XPO1: variants seen among roughly 807,000 people sequenced by gnomAD.
XPO1 encodes exportin 1.
A neutral mutation model predicts 133.3 loss-of-function variants in XPO1; 5 were observed. The observed-to-expected ratio is 0.04, with a 90% CI of 0.02 to 0.08. The LOEUF (loss-of-function observed/expected upper bound fraction) is 0.08. Among genes scored for constraint, XPO1 ranks in the 10% least tolerant of loss-of-function variants. XPO1 has a pLI of 1.00. For missense variants in XPO1, 506 were observed against 1,267.5 expected, an observed-to-expected ratio of 0.40 and a Z score of 9.12; for synonymous variants, 419 against 408.2, an observed-to-expected ratio of 1.03 and a Z score of -0.32.
chr2:61,512,897 C>T (rs997385170), intron 4 of XPO1, among the ~76,000 whole-genome samples: 1 of 152,056 alleles, frequency 6.6e-6, no homozygotes, highest in South Asian at 2.1e-4. Flanking sequence ...AAAAATTAGC[C>T]GGGTGTGGTG....
intron 4 of XPO1, among the ~76,000 whole-genome samples, chr2:61,508,846 ATC>A (rs1444954977): frequency 6.6e-6 from 1 of 152,194 alleles, no homozygotes; most frequent in Non-Finnish European, 1.5e-5. Flanking sequence ...CCAAATAAGG[ATC>A]TGACTTATTA....
intron 4 of XPO1, among the ~76,000 whole-genome samples, chr2:61,517,359 G>A (rs1698445223): frequency 1.3e-5 from 2 of 152,316 alleles, no homozygotes; most frequent in Non-Finnish European, 2.9e-5. Flanking sequence ...TGAGGTTGGA[G>A]CATCACTTGA....
chr2:61,528,215 C>A (rs1479365897), intron 2 of XPO1, among the ~76,000 whole-genome samples: 1 of 151,934 alleles, frequency 6.6e-6, no homozygotes. Context: ...TTTGTTCCTT[C>A]TTTAAAAAGT....
Position 61,511,887 on chromosome 2 carries a change from T to C in XPO1, c.302-9577A>G, listed in dbSNP as rs143383635. 1.4e-4 allele frequency among the ~76,000 whole-genome samples: 21 copies of C among 152,034 alleles called. No individual in the cohort carries two copies. In the East Asian group the frequency reaches 2.7e-3, roughly 20 times the overall value. Reference sequence around the variant, plus strand: ...AACTCCCCTGCTGCAACCTACCGAGTAGCTGGGATTCTGGGATTACAGGCA... The same window carrying C: ...AACTCCCCTGCTGCAACCTACCGAGCAGCTGGGATTCTGGGATTACAGGCA... On this transcript the variant is annotated intron_variant, in intron 4 of 24. Coordinates refer to ENST00000401558, the MANE Select transcript of XPO1 (RefSeq NM_003400.4).
At chr2:61,505,931 A>G (rs1697787648) in intron 4 of XPO1, among the ~76,000 whole-genome samples, 1 of 152,152 alleles carries the variant, frequency 6.6e-6, no homozygotes, top group Non-Finnish European at 1.5e-5. Context: ...CATCTAATCA[A>G]AAATTCCGAT....
At chr2:61,526,022 T>G (rs1248030223) in intron 3 of XPO1, 2 of 1,063,846 alleles carry the variant, frequency 1.9e-6, no homozygotes, top group Non-Finnish European at 1.1e-6. Context: ...TGCCATGGAG[T>G]AGGGTTTTAA....
chr2:61,506,236 C>T (rs1027801458), intron 4 of XPO1, among the ~76,000 whole-genome samples: 7 of 152,258 alleles, frequency 4.6e-5, no homozygotes, highest in African/African-American at 9.6e-5. Context: ...GCCTGGCCAA[C>T]ATGGTGAAAC....
intron 2 of XPO1, among the ~76,000 whole-genome samples, chr2:61,532,108 GTTTT>G (rs143147371): frequency 2.0e-5 from 3 of 151,902 alleles, no homozygotes; most frequent in Admixed American, 6.6e-5. Flanking sequence ...TCAGGTTTAG[GTTTT>G]TTTATTTTAT....
intron 2 of XPO1, among the ~76,000 whole-genome samples, chr2:61,527,352 G>A (rs939485543): frequency 6.6e-6 from 1 of 151,226 alleles, no homozygotes; most frequent in African/African-American, 2.4e-5. Context: ...GCTGCACATG[G>A]TGGCTTGCAC....
At chr2:61,532,282 C>T (rs931612676) in intron 2 of XPO1, among the ~76,000 whole-genome samples, 3 of 151,956 alleles carry the variant, frequency 2.0e-5, no homozygotes, top group Admixed American at 2.0e-4. Flanking sequence ...CGCCCGCCAC[C>T]ACGCCTGGCT....
intron 7 of XPO1, among the ~76,000 whole-genome samples, chr2:61,499,450 A>G (rs559703822): frequency 6.6e-6 from 1 of 152,336 alleles, no homozygotes; most frequent in South Asian, 2.1e-4. Flanking sequence ...GTTTGGACAC[A>G]AATCATTTGC....
chr2:61,502,326 C>G lies in XPO1; in HGVS notation c.302-16G>C. The G allele has an allele frequency of 6.2e-7, 1 of 1,605,542 alleles. No homozygotes were observed. The highest frequency in any genetic ancestry group is 8.5e-7 in the Non-Finnish European group (1 of 1,177,616). On this transcript the variant is annotated splice_polypyrimidine_tract_variant and intron_variant, in intron 4 of 24. Coordinates refer to ENST00000401558, the MANE Select transcript of XPO1 (RefSeq NM_003400.4). ...TTTTTTATTCCTATTAAAAAAATTG[C>G]ACGTAATAAAAAAATTGTTGAGCTC...
rs1215924960 is a variant in XPO1 at position 61,506,590 on chromosome 2, T to G, written c.302-4280A>C. Among the ~76,000 whole-genome samples the G allele has an allele frequency of 1.2e-4, 4 of 32,794 alleles. No individual in the cohort carries two copies. The East Asian group carries it at 3.2e-3, about 26-fold the overall frequency. The allele number at this position is 32,794 out of a possible 152,430, so 21.5% of individuals were successfully genotyped here. On this transcript the variant is annotated intron_variant, in intron 4 of 24. Coordinates refer to ENST00000401558, the MANE Select transcript of XPO1 (RefSeq NM_003400.4). ...CTCCAGTCTGGGCGACAGAGCAAGA[T>G]TCCGTCTCAAAAAAAAAAAAAAAAA...
Position 61,490,785 on chromosome 2 carries a change from A to T in XPO1, c.1888-9T>A, listed in dbSNP as rs752224224. On this transcript the variant is annotated splice_polypyrimidine_tract_variant and intron_variant, in intron 16 of 24. Coordinates refer to ENST00000401558, the MANE Select transcript of XPO1 (RefSeq NM_003400.4). ...TCATAAAACGTATGAACCTATTTTA[A>T]AAAGCAGACATTTTAACGTTTATGT... The T allele has an allele frequency of 6.2e-7, 1 of 1,609,864 alleles. No individual in the cohort carries two copies. The highest frequency in any genetic ancestry group is 8.5e-7 in the Non-Finnish European group (1 of 1,178,662).
chr2:61,528,193 T>A (rs533355605), intron 2 of XPO1, among the ~76,000 whole-genome samples: 1 of 152,078 alleles, frequency 6.6e-6, no homozygotes, highest in African/African-American at 2.4e-5. Context: ...CCCAAAGTGC[T>A]GGGATTACAC....
chr2:61,509,168 A>AT (rs938167243), intron 4 of XPO1, among the ~76,000 whole-genome samples: 1,414 of 140,532 alleles, frequency 0.01, 11 homozygotes, highest in Non-Finnish European at 0.012. Context: ...CGCCCAGCTG[A>AT]TTTTTTTTTT....
chr2:61,514,472 A>T (rs1457762664), intron 4 of XPO1, among the ~76,000 whole-genome samples: 1 of 151,852 alleles, frequency 6.6e-6, no homozygotes, highest in Non-Finnish European at 1.5e-5. Context: ...ACATGCCTGT[A>T]GTCTCAGCTA....
intron 11 of XPO1, chr2:61,494,815 T>C (rs1304532293): frequency 2.0e-5 from 3 of 148,338 alleles, no homozygotes; most frequent in Non-Finnish European, 1.5e-5. Context: ...TATACTTAAG[T>C]TTATATATAT....
chr2:61,479,063 A>G, intron 24 of XPO1, 97 bp from the exon 25 acceptor site: 4 of 1,396,778 alleles, frequency 2.9e-6, no homozygotes, highest in Non-Finnish European at 3.9e-6. Flanking sequence ...GAAGGAAGGA[A>G]TATAAATTAT....
Sources: allele counts gnomAD v4.1 joint callset (sites outside exome capture counted in the v4.1 genomes callset), GRCh38; gene constraint gnomAD v4.1.1; transcripts MANE v1.5; gene names NCBI Gene and HGNC (gene_info 2026-07-23, HGNC 2026-07-21).